AFAP1L2: variants seen among roughly 807,000 people sequenced by gnomAD.
The protein encoded by AFAP1L2 is actin filament associated protein 1 like 2, also known as actin filament-associated protein 1-like 2.
In AFAP1L2, 46 loss-of-function variants were observed where a neutral mutation model predicts 99.3. The observed-to-expected ratio is 0.46, with a 90% CI of 0.37 to 0.59. The LOEUF (loss-of-function observed/expected upper bound fraction) is 0.59, where lower values mean the gene tolerates loss of function less well. Among genes scored for constraint, AFAP1L2 ranks in the 20% least tolerant of loss-of-function variants. The pLI is 0.00. For synonymous variants in AFAP1L2, 397 were observed against 419.1 expected (o/e 0.95, Z 0.64); for missense variants, 959 against 1,034.9 (o/e 0.93, Z 1.01).
intron 4 of AFAP1L2, among the ~76,000 whole-genome samples, chr10:114,329,586 C>G (rs900926736): frequency 1.3e-5 from 2 of 152,140 alleles, no homozygotes; most frequent in Non-Finnish European, 2.9e-5. Context: ...GAACAGCCAC[C>G]TTTCCACTCC....
chr10:114,398,515 G>A (rs1389403566), intron 1 of AFAP1L2, among the ~76,000 whole-genome samples: 1 of 152,240 alleles, frequency 6.6e-6, no homozygotes, highest in South Asian at 2.1e-4. Context: ...GCTCCCCTGC[G>A]TTAATTTAAC....
chr10:114,305,152 G>T (rs1255558243), intron 10 of AFAP1L2: 1 of 520,998 alleles, frequency 1.9e-6, no homozygotes, highest in Non-Finnish European at 3.5e-6. Context: ...AGGGGACTGG[G>T]CTGCAGGAGG....
chr10:114,285,969 ACCT>A, the AFAP1L2 span: 1 of 1,607,282 alleles, frequency 6.2e-7, no homozygotes, highest in South Asian at 1.1e-5. Flanking sequence ...TGCAGGGTCG[ACCT>A]CCTCTTCCTG....
intron 12 of AFAP1L2, chr10:114,301,719 G>A (rs2041230060): frequency 5.9e-6 from 3 of 511,532 alleles, no homozygotes; most frequent in South Asian, 4.9e-5. Context: ...CCTCGTCCTA[G>A]GATCCCTTTG....
chr10:114,354,665 T>C (rs1019624150), intron 1 of AFAP1L2, among the ~76,000 whole-genome samples: 3 of 151,990 alleles, frequency 2.0e-5, no homozygotes, highest in Non-Finnish European at 4.4e-5. Flanking sequence ...CTTTCTTCTC[T>C]TGGGATTGCA....
chr10:114,286,031 G>A, the AFAP1L2 span: 2 of 1,614,184 alleles, frequency 1.2e-6, no homozygotes, highest in African/African-American at 2.7e-5. Context: ...GCGGGCCAAA[G>A]TCTTCGTGAA....
intron 6 of AFAP1L2, 49 bp downstream of exon 6, chr10:114,315,511 T>C (rs1346416147): frequency 1.4e-6 from 2 of 1,465,124 alleles, no homozygotes; most frequent in African/African-American, 2.1e-5. Flanking sequence ...TCCCTGCCCC[T>C]TCCCCAAGGA....
At chr10:114,340,010 CAA>C (rs3061677) in intron 2 of AFAP1L2, among the ~76,000 whole-genome samples, 6 of 117,750 alleles carry the variant, frequency 5.1e-5, no homozygotes, top group Admixed American at 8.7e-5. Flanking sequence ...GACCCCGTCT[CAA>C]AAAAAAAAAA....
At chr10:114,289,143 T>TAATG in the AFAP1L2 span, 2 of 1,613,878 alleles carry the variant, frequency 1.2e-6, no homozygotes, top group Non-Finnish European at 1.7e-6. Flanking sequence ...CCACCCGGGC[T>TAATG]GCGATGCTGC....
intron 1 of AFAP1L2, among the ~76,000 whole-genome samples, chr10:114,341,312 A>G (rs574954402): frequency 5.9e-5 from 9 of 152,326 alleles, no homozygotes; most frequent in African/African-American, 2.4e-5. Flanking sequence ...CAGGTTGTCC[A>G]TGATTAAAAG....
chr10:114,302,483 G>A lies in AFAP1L2; in HGVS notation c.1286C>T (p.Ala429Val), dbSNP rs751741685. The A allele has an allele frequency of 1.9e-6, 3 of 1,613,942 alleles. No individual in the cohort carries two copies. The highest frequency in any genetic ancestry group is 3.3e-5 in the Admixed American group (2 of 60,018). Residue 429 changes from alanine (A) to valine (V), a missense_variant and splice_region_variant, in exon 12 of 19, where the codon GCC (alanine) becomes GTC (valine). Transcript: ENST00000304129. The stretch of plus-strand genomic sequence containing the variant: ...GTGGCCCATTTCCTCGGAAGACTTG[G>A]CCTGGAACGAGGCCAAGAGAGACAT... ...HKGEELAKLE[A>V]KSSEEMGHWL... is the part of the protein sequence containing the mutation.
At chr10:114,319,733 G>T in intron 5 of AFAP1L2, 1 of 1,000,578 alleles carries the variant, frequency 1.0e-6, no homozygotes, top group Non-Finnish European at 1.4e-6. Context: ...GACACAAAGA[G>T]AGAGACCCAG....
chr10:114,302,311 G>A, intron 12 of AFAP1L2, 28 bp downstream of exon 12: 1 of 1,614,036 alleles, frequency 6.2e-7, no homozygotes, highest in Non-Finnish European at 8.5e-7. Context: ...ATAAGAGAGT[G>A]TACGGAGGAA....
In AFAP1L2 at chr10:114,308,427, T is replaced by C. The variant is rs367836413; in HGVS notation, c.967+6A>G. The C allele has an allele frequency of 6.2e-7, 1 of 1,613,004 alleles. No individual in the cohort carries two copies. Among genetic ancestry groups the C allele is most frequent in the South Asian group, 1.1e-5 (1 of 91,050 alleles). On this transcript the variant is annotated splice_donor_region_variant and intron_variant, in intron 9 of 18. Transcript: ENST00000304129. ...CACCATTCCCCTCCCAACCACATGATGTTACCGTCTTTGGTTTCTGGGACC... is the reference window on the plus strand; with the variant it reads ...CACCATTCCCCTCCCAACCACATGACGTTACCGTCTTTGGTTTCTGGGACC...
chr10:114,346,733 G>C (rs963194678), intron 1 of AFAP1L2, among the ~76,000 whole-genome samples: 1 of 152,198 alleles, frequency 6.6e-6, no homozygotes, highest in African/African-American at 2.4e-5. Context: ...CCTTGTGCAG[G>C]CTTTCCATCC....
At chr10:114,286,392 G>C in the AFAP1L2 span, 1 of 1,613,882 alleles carries the variant, frequency 6.2e-7, no homozygotes, top group Non-Finnish European at 8.5e-7. Context: ...GAGGCCGTGC[G>C]GGCAGAGCTG....
At position 114,354,465 on chromosome 10, in the gene AFAP1L2, A is replaced by G. The variant is rs1170239323; in HGVS notation, c.17-13734T>C. On this transcript the variant is annotated intron_variant, in intron 1 of 18. Coordinates refer to ENST00000304129, the MANE Select transcript of AFAP1L2 (RefSeq NM_001001936.3). ...TGAGTGGAAATTAATCATTTGGTCT[A>G]TTTTTCTCCTTCTTTGTATAATGAG... Among the ~76,000 whole-genome samples the G allele has an allele frequency of 2.0e-5, 3 of 152,124 alleles. No homozygotes were observed. In the East Asian group the frequency reaches 5.8e-4, roughly 29 times the overall value.
At chr10:114,283,410 C>T in the AFAP1L2 span, among the ~76,000 whole-genome samples, 130 of 152,146 alleles carry the variant, frequency 8.5e-4, no homozygotes, top group African/African-American at 3.1e-3. Flanking sequence ...GGCAGGGTAG[C>T]GAGTGTCCCT....
chr10:114,352,038 A>G lies in AFAP1L2; in HGVS notation c.17-11307T>C, dbSNP rs188240184. On this transcript the variant is annotated intron_variant, in intron 1 of 18. Coordinates refer to ENST00000304129, the MANE Select transcript of AFAP1L2 (RefSeq NM_001001936.3). ...GTGGGATTAATGTGAAGATCACAAA[A>G]TAACCTCCTAAAGTGCTTATACTAC... Among the ~76,000 whole-genome samples, 74 of 152,356 alleles carry G rather than the reference A, an allele frequency of 4.9e-4. 3 individuals are homozygous for G. The East Asian group carries it at 0.014, about 29-fold the overall frequency.
Sources: allele counts gnomAD v4.1 joint callset (sites outside exome capture counted in the v4.1 genomes callset), GRCh38; gene constraint gnomAD v4.1.1; transcripts MANE v1.5; gene names NCBI Gene and HGNC (gene_info 2026-07-23, HGNC 2026-07-21).